COX7B: variants seen among roughly 807,000 people sequenced by gnomAD.
The protein encoded by COX7B is cytochrome c oxidase subunit 7B, mitochondrial.
Under a neutral mutation model 7.9 loss-of-function variants are expected in COX7B, and 2 were observed. That is an observed-to-expected ratio of 0.25 (90% CI 0.10 to 0.79). The LOEUF is 0.79. COX7B is among the 30% of genes least tolerant of loss of function. The pLI is 0.69. For synonymous variants in COX7B, 19 were observed against 21.1 expected (o/e 0.90, Z 0.27); for missense variants, 54 against 62.7 (o/e 0.86, Z 0.47).
intron 2 of COX7B, among the ~76,000 whole-genome samples, chrX:77,904,650 A>AG (rs2077129591): frequency 9.1e-6 from 1 of 110,104 alleles, no homozygotes; most frequent in Non-Finnish European, 1.9e-5. Flanking sequence ...TCAAAAAAAA[A>AG]AAAAGTCTCA....
chrX:77,899,474 C>T lies in COX7B; in HGVS notation c.-80C>T. 1 of 1,074,062 alleles carries T rather than the reference C, an allele frequency of 9.3e-7. No homozygotes were observed. Among genetic ancestry groups the T allele is most frequent in the Non-Finnish European group, 1.3e-6 (1 of 777,479 alleles). The allele number at this position is 1,074,062 out of a possible 1,213,427, so 88.5% of individuals were successfully genotyped here. On this transcript the variant is annotated 5_prime_UTR_variant, in exon 1 of 3. Coordinates refer to ENST00000650309, the MANE Select transcript of COX7B (RefSeq NM_001866.3). ...CCCGGCTGAAAGCCATTTTGTTTTT[C>T]AGCTCACTTCAAGGGTACCTGAAGC...
rs1557221079 is a variant in COX7B, at chrX:77,905,638, A to G, written c.*377A>G. ...CCCGAGTAGCCAGAACTACAGGCAC[A>G]TGCCATGACGCCCAGCTAATTTTTT... On this transcript the variant is annotated 3_prime_UTR_variant, in exon 3 of 3. Coordinates refer to ENST00000650309, the MANE Select transcript of COX7B (RefSeq NM_001866.3). The G allele has an allele frequency of 8.5e-6, 1 of 117,287 alleles. No individual in the cohort carries two copies. Among genetic ancestry groups the G allele is most frequent in the Admixed American group, 9.6e-5 (1 of 10,377 alleles). 9.7% of individuals were successfully genotyped at this position (117,287 alleles called of 1,213,427 possible).
At chrX:77,904,250 A>G (rs1418756812) in intron 2 of COX7B, among the ~76,000 whole-genome samples, 2 of 110,197 alleles carry the variant, frequency 1.8e-5, no homozygotes, top group Non-Finnish European at 3.8e-5. Flanking sequence ...TAATAAATGC[A>G]TAAGTTGGTT....
chrX:77,904,018 C>G (rs188623374), intron 2 of COX7B, among the ~76,000 whole-genome samples: 3 of 104,323 alleles, frequency 2.9e-5, no homozygotes, highest in Non-Finnish European at 5.9e-5. Context: ...CTGCAAACTC[C>G]GCCTCCCGGG....
chrX:77,902,821 A>T (rs782539581), intron 2 of COX7B, 54 bp downstream of exon 2: 2 of 1,125,149 alleles, frequency 1.8e-6, no homozygotes, highest in Non-Finnish European at 2.4e-6. Context: ...TTCTCAGTCT[A>T]TGCATTCAAA....
intron 1 of COX7B, among the ~76,000 whole-genome samples, chrX:77,901,394 T>A (rs1557220632): frequency 9.2e-6 from 1 of 108,178 alleles, no homozygotes; most frequent in Non-Finnish European, 1.9e-5. Context: ...TATATGTAAG[T>A]ACCTTTGGAG....
chrX:77,903,936 G>T (rs148044307), intron 2 of COX7B, among the ~76,000 whole-genome samples: 105 of 83,564 alleles, frequency 1.3e-3, no homozygotes, highest in Middle Eastern at 6.3e-3. Context: ...TTTGTTTTTT[G>T]TTTTTTTTTT....
chrX:77,900,093 G>A lies in COX7B; in HGVS notation c.40+500G>A, dbSNP rs2077116672. Among the ~76,000 whole-genome samples, 3 of 112,113 alleles carry A rather than the reference G, an allele frequency of 2.7e-5. No homozygotes were observed. In the Admixed American group the frequency reaches 2.8e-4, roughly 11 times the overall value. On this transcript the variant is annotated intron_variant, in intron 1 of 2. Transcript: ENST00000650309. ...GATTAACAATGTTAGCTGGCCAGGC[G>A]CGGTGGCTCACACTTGTAATCCCAG...
chrX:77,900,941 G>A (rs1557220597), intron 1 of COX7B, among the ~76,000 whole-genome samples: 1 of 112,224 alleles, frequency 8.9e-6, no homozygotes, highest in Non-Finnish European at 1.9e-5. Context: ...GTTATGAGAT[G>A]TTGCAGAATT....
chrX:77,903,004 T>G (rs782416174), intron 2 of COX7B: 20 of 271,157 alleles, frequency 7.4e-5, no homozygotes, highest in Non-Finnish European at 1.3e-4. Context: ...CTTTCCATCT[T>G]GTGTAGCTGT....
rs927026691 is a variant in COX7B at position 77,903,029 on chromosome X, T to G, written c.165+262T>G. Reference sequence around the variant, plus strand: ...TGTGTAGCTGTTTTTTTTGTTTTTGTTTTTTTTTTTTTTTAAGAAGAAGTC... The same window carrying G: ...TGTGTAGCTGTTTTTTTTGTTTTTGGTTTTTTTTTTTTTTAAGAAGAAGTC... On this transcript the variant is annotated intron_variant, in intron 2 of 2. Coordinates refer to ENST00000650309, the MANE Select transcript of COX7B (RefSeq NM_001866.3). The G allele has an allele frequency of 3.2e-5, 4 of 123,285 alleles. No homozygotes were observed. The Admixed American group carries it at 4.1e-4, about 13-fold the overall frequency. The allele number at this position is 123,285 out of a possible 1,213,427, so 10.2% of individuals were successfully genotyped here. A position where few individuals can be genotyped will look rare whatever the true frequency, so the allele number is the denominator to read the frequency against.
chrX:77,903,464 G>C (rs1165403482), intron 2 of COX7B, among the ~76,000 whole-genome samples: 1 of 110,432 alleles, frequency 9.1e-6, no homozygotes, highest in Non-Finnish European at 1.9e-5. Context: ...AAAGTGCTAG[G>C]ATTACAGGTG....
At chrX:77,901,359 C>T (rs1215109562) in intron 1 of COX7B, among the ~76,000 whole-genome samples, 1 of 107,817 alleles carries the variant, frequency 9.3e-6, no homozygotes, top group East Asian at 2.9e-4. Flanking sequence ...GATTCTCCTG[C>T]CTCAGGCTCC....
chrX:77,903,498 G>C (rs1162943781), intron 2 of COX7B, among the ~76,000 whole-genome samples: 2 of 110,649 alleles, frequency 1.8e-5, no homozygotes, highest in Non-Finnish European at 3.8e-5. Context: ...CCAGCCTTGT[G>C]TAGCTGTTAA....
rs34296412 is a variant in COX7B at position 77,905,481 on chromosome X, GTTTTTTTTTTTTTT to G, written c.*234_*247del. The G allele has an allele frequency of 1.9e-4, 13 of 67,804 alleles. No individual in the cohort carries two copies. The highest frequency in any genetic ancestry group is 3.7e-4 in the South Asian group (1 of 2,685). The allele number at this position is 67,804 out of a possible 1,213,427, so 5.6% of individuals were successfully genotyped here. A position where few individuals can be genotyped will look rare whatever the true frequency, so the allele number is the denominator to read the frequency against. ...AAATGCTGTGCAGCTTCTTAAATAG[GTTTTTTTTTTTTTT>G]TTTTTTTTTTTTTGGGACGAAGTCT... is the stretch of plus-strand genomic sequence containing the variant. On this transcript the variant is annotated 3_prime_UTR_variant, in exon 3 of 3. Coordinates refer to ENST00000650309, the MANE Select transcript of COX7B (RefSeq NM_001866.3).
rs2077135225 is a variant in COX7B at position 77,906,394 on chromosome X, T to G, written c.*1133T>G. The G allele has an allele frequency of 8.9e-6, 1 of 111,894 alleles. No homozygotes were observed. Among genetic ancestry groups the G allele is most frequent in the Admixed American group, 9.5e-5 (1 of 10,480 alleles). The allele number at this position is 111,894 out of a possible 1,213,427, so 9.2% of individuals were successfully genotyped here. ...GTCTGAAGACTAGCTACTAGCTCCT[T>G]GGCTGTTTTGGCATATTCATCTTGA... On this transcript the variant is annotated 3_prime_UTR_variant, in exon 3 of 3. Transcript: ENST00000650309.
intron 1 of COX7B, among the ~76,000 whole-genome samples, chrX:77,900,365 C>A (rs1242843371): frequency 1.8e-5 from 2 of 111,910 alleles, no homozygotes; most frequent in Non-Finnish European, 3.8e-5. Flanking sequence ...GACTCCGTCT[C>A]GAAAACAAAA....
intron 2 of COX7B, chrX:77,902,987 G>T (rs1603367139): frequency 1.0e-5 from 3 of 297,788 alleles, no homozygotes; most frequent in East Asian, 5.0e-5. Flanking sequence ...TGGATCACAA[G>T]GCAGCCCTTT....
intron 1 of COX7B, among the ~76,000 whole-genome samples, chrX:77,902,197 T>C (rs1185709976): frequency 1.8e-5 from 2 of 112,165 alleles, no homozygotes; most frequent in Non-Finnish European, 3.8e-5. Context: ...GAGTAAACTT[T>C]AATGAAAATT....
Sources: allele counts gnomAD v4.1 joint callset (sites outside exome capture counted in the v4.1 genomes callset), GRCh38; gene constraint gnomAD v4.1.1; transcripts MANE v1.5; gene names NCBI Gene and HGNC (gene_info 2026-07-23, HGNC 2026-07-21).